CREBBP: variants seen among roughly 807,000 people sequenced by gnomAD.
CREBBP encodes the protein CREB-binding protein.
Under a neutral mutation model 265.0 loss-of-function variants are expected in CREBBP, and 19 were observed. The ratio of observed to expected loss-of-function variants is 0.07; its 90% CI spans 0.05 to 0.11. The LOEUF (loss-of-function observed/expected upper bound fraction) is 0.11. Among genes scored for constraint, CREBBP ranks in the 10% least tolerant of loss-of-function variants. The probability of loss-of-function intolerance (pLI) is 1.00; values close to 1 mark genes in which losing one functional copy is unlikely to be tolerated. For missense variants in CREBBP, 2,525 were observed against 3,219.0 expected, an observed-to-expected ratio of 0.78 and a Z score of 5.22; for synonymous variants, 1,457 against 1,223.7, an observed-to-expected ratio of 1.19 and a Z score of -3.98.
At chr16:3,763,844 C>CTT (rs763039340) in intron 16 of CREBBP, among the ~76,000 whole-genome samples, 31 of 134,338 alleles carry the variant, frequency 2.3e-4, no homozygotes, top group East Asian at 4.3e-4. Flanking sequence ...AAAAAGCAAT[C>CTT]TTTTTTTTTT....
At chr16:3,774,818 A>G in intron 11 of CREBBP, 125 bp from the exon 12 acceptor site, 14 of 1,232,866 alleles carry the variant, frequency 1.1e-5, no homozygotes, top group Non-Finnish European at 1.6e-5. Flanking sequence ...CTGAAAAGAA[A>G]TCACCCAATT....
chr16:3,829,676 T>C (rs1173841650), intron 2 of CREBBP, among the ~76,000 whole-genome samples: 1 of 152,194 alleles, frequency 6.6e-6, no homozygotes, highest in Non-Finnish European at 1.5e-5. Context: ...ATCAAACTGA[T>C]CTGAGTAATT....
In CREBBP at chr16:3,731,610, C is replaced by T; in HGVS notation, c.4891-137G>A. On this transcript the variant is annotated intron_variant, in intron 29 of 30. Transcript: ENST00000262367. This position sits in a 1 kb window ranked among gnomAD's most constrained non-coding sequence, Gnocchi z 7.7. ...ATGGCCCTGATGCCTTGGGATGGAA[C>T]AAAATTGGTGACACGTTGCATGATG... 7.1e-7 allele frequency: 1 copy of T among 1,416,678 alleles called. No individual in the cohort carries two copies. Among genetic ancestry groups the T allele is most frequent in the South Asian group, 1.2e-5 (1 of 85,562 alleles). 87.8% of individuals were successfully genotyped at this position (1,416,678 alleles called of 1,614,324 possible).
rs1397069729 is a variant in CREBBP, at chr16:3,727,453, TC to T, written c.*264del. On this transcript the variant is annotated 3_prime_UTR_variant, in exon 31 of 31. Transcript: ENST00000262367. ...AAAAAGAATCCAAACAAAACCCCCC[TC>T]CCCCCAAACAAAAACAAAACGGAAA... is the stretch of plus-strand genomic sequence containing the variant. 1 of 87,262 alleles carries T rather than the reference TC, an allele frequency of 1.1e-5. No individual in the cohort carries two copies. Among genetic ancestry groups the T allele is most frequent in the Non-Finnish European group, 2.2e-5 (1 of 45,778 alleles). The allele number at this position is 87,262 out of a possible 1,614,324, so 5.4% of individuals were successfully genotyped here. A position where few individuals can be genotyped will look rare whatever the true frequency, so the allele number is the denominator to read the frequency against.
At chr16:3,754,851 T>G (rs1300059923) in intron 19 of CREBBP, among the ~76,000 whole-genome samples, 1 of 152,190 alleles carries the variant, frequency 6.6e-6, no homozygotes, top group African/African-American at 2.4e-5. Context: ...GGACTACAAG[T>G]GCCAAGACAA....
At chr16:3,860,739 C>T (rs886251850) in intron 1 of CREBBP, among the ~76,000 whole-genome samples, 4 of 152,074 alleles carry the variant, frequency 2.6e-5, no homozygotes, top group African/African-American at 9.7e-5. Context: ...GAAAAGTTCA[C>T]TCCTAGAGAT....
At chr16:3,858,654 G>A (rs891093666) in intron 1 of CREBBP, among the ~76,000 whole-genome samples, 1 of 152,206 alleles carries the variant, frequency 6.6e-6, no homozygotes, top group Non-Finnish European at 1.5e-5. Context: ...CAAGCTGCTT[G>A]TCTAGTCAAA....
At position 3,880,028 on chromosome 16, in the gene CREBBP, G is replaced by C. The variant is rs1198310008; in HGVS notation, c.-112C>G. 8.6e-6 allele frequency: 8 copies of C among 925,772 alleles called. No individual in the cohort carries two copies. In the Admixed American group the frequency reaches 1.4e-4, roughly 16 times the overall value. 57.3% of individuals were successfully genotyped at this position (925,772 alleles called of 1,614,324 possible). ...AGGGAGAGGAGCGAGCGCGGGCCGC[G>C]AGCGGGCGGGCGGGCGCCGAGGGAG... On this transcript the variant is annotated 5_prime_UTR_variant, in exon 1 of 31. Coordinates refer to ENST00000262367, the MANE Select transcript of CREBBP (RefSeq NM_004380.3).
chr16:3,738,983 TCCTCCCACCTCGG>T (rs1395488427), intron 25 of CREBBP, among the ~76,000 whole-genome samples: 10 of 152,198 alleles, frequency 6.6e-5, no homozygotes, highest in African/African-American at 2.2e-4. Context: ...GGTCCAGTTA[TCCTCCCACCTCGG>T]CCTCCCACAG....
intron 28 of CREBBP, among the ~76,000 whole-genome samples, chr16:3,735,340 G>A (rs1025808932): frequency 6.6e-6 from 1 of 152,112 alleles, no homozygotes; most frequent in African/African-American, 2.4e-5. Context: ...ACTGTCTCCT[G>A]GGCTGGAGTG....
rs187255990 is a variant in CREBBP, at chr16:3,837,200, A to G, written c.798+13097T>C. 9.9e-4 allele frequency among the ~76,000 whole-genome samples: 151 copies of G among 152,288 alleles called. 1 individual carries two copies. Among genetic ancestry groups the G allele is most frequent in the African/African-American group, 3.5e-3 (144 of 41,562 alleles). ...TCTGAAGACCTTTCAGTGGGACAAG[A>G]TGTGGAGGAGAAAAACAGTGATATT... On this transcript the variant is annotated intron_variant, in intron 2 of 30. Transcript: ENST00000262367.
At chr16:3,784,129 T>A (rs757021683) in intron 5 of CREBBP, among the ~76,000 whole-genome samples, 1 of 152,188 alleles carries the variant, frequency 6.6e-6, no homozygotes, top group Non-Finnish European at 1.5e-5. Context: ...TTTTGATACA[T>A]AAAACACGAC....
chr16:3,861,758 C>CT (rs200213588), intron 1 of CREBBP, among the ~76,000 whole-genome samples: 4,702 of 136,834 alleles, frequency 0.034, 83 homozygotes, highest in Middle Eastern at 0.052. Context: ...AGACATCTAA[C>CT]TTTTTTTTTT....
chr16:3,792,125 T>C, intron 4 of CREBBP, 31 bp from the exon 5 acceptor site: 1 of 1,533,580 alleles, frequency 6.5e-7, no homozygotes, highest in East Asian at 2.2e-5. Context: ...AGATGTTATT[T>C]TTCTATCCAA....
intron 16 of CREBBP, among the ~76,000 whole-genome samples, chr16:3,765,208 C>A (rs899206680): frequency 6.6e-6 from 1 of 152,226 alleles, no homozygotes; most frequent in African/African-American, 2.4e-5. Flanking sequence ...GATCTGCTGA[C>A]CTCGTGATCT....
intron 5 of CREBBP, among the ~76,000 whole-genome samples, chr16:3,790,106 G>A (rs2053472385): frequency 6.6e-6 from 1 of 152,054 alleles, no homozygotes; most frequent in South Asian, 2.1e-4. Flanking sequence ...GAATATTTTG[G>A]CACTTAAAGA....
intron 1 of CREBBP, among the ~76,000 whole-genome samples, chr16:3,852,067 A>C (rs1220197892): frequency 7.0e-6 from 1 of 143,772 alleles, no homozygotes; most frequent in South Asian, 2.1e-4. Context: ...AAAAAAAAAA[A>C]AAAAAAAAGA....
At chr16:3,792,144 A>G (rs1396634900) in intron 4 of CREBBP, 50 bp from the exon 5 acceptor site, 1 of 1,382,644 alleles carries the variant, frequency 7.2e-7, no homozygotes, top group Non-Finnish European at 1.0e-6. Flanking sequence ...AAATCGTCAC[A>G]CTTTCAATTA....
chr16:3,758,760 G>T, intron 17 of CREBBP, 94 bp downstream of exon 17: 1 of 962,182 alleles, frequency 1.0e-6, no homozygotes, highest in Non-Finnish European at 1.7e-6. Flanking sequence ...CTTCAAGGCA[G>T]GGGGATTATT....
Sources: gnomAD v4.1 joint callset for allele counts (sites outside exome capture counted in the v4.1 genomes callset) on GRCh38, gnomAD v4.1.1 for gene constraint, Gnocchi (gnomAD v3.1) non-coding constraint, MANE v1.5 for transcripts, NCBI Gene and HGNC (gene_info 2026-07-23, HGNC 2026-07-21) for gene names.